The following TRMT11 variants were observed in gnomAD, a reference collection of about 807,000 sequenced individuals.
TRMT11 encodes the protein tRNA methyltransferase 11.
TRMT11 carries 53 observed loss-of-function variants against 62.8 expected under a neutral mutation model. The observed-to-expected ratio is 0.84, with a 90% CI of 0.68 to 1.06. The LOEUF is 1.06. TRMT11 is among the 50% of genes least tolerant of loss of function. TRMT11 has a pLI of 0.00. For synonymous variants in TRMT11, 188 were observed against 190.3 expected (o/e 0.99, Z 0.10); for missense variants, 556 against 553.4 (o/e 1.00, Z -0.05).
chr6:126,062,371 C>T lies in TRMT11; in HGVS notation c.*1437+9181C>T, dbSNP rs370005021. 1.2e-4 allele frequency among the ~76,000 whole-genome samples: 18 copies of T among 152,268 alleles called. No homozygotes were observed. In the South Asian group the frequency reaches 3.3e-3, roughly 28 times the overall value. On this transcript the variant is annotated intron_variant and NMD_transcript_variant, in intron 17 of 22. Coordinates refer to the TRMT11 transcript ENST00000648977. ...ACAACTTTACACTTTGTTATTGTTC[C>T]AATTTTATTTACAGGTTTTCTCCCT...
At chr6:126,082,385 A>G (rs1211899548) in intron 17 of TRMT11, among the ~76,000 whole-genome samples, 2 of 152,072 alleles carry the variant, frequency 1.3e-5, no homozygotes, top group South Asian at 4.1e-4. Flanking sequence ...TTACAATGTA[A>G]TATCAATTGT....
At chr6:126,244,592 G>A in the TRMT11 span, among the ~76,000 whole-genome samples, 17 of 152,290 alleles carry the variant, frequency 1.1e-4, no homozygotes, top group East Asian at 1.7e-3. Flanking sequence ...GACTGTCAGA[G>A]ATACACGTAT....
chr6:126,014,438 A>C (rs1178389566), intron 11 of TRMT11, among the ~76,000 whole-genome samples: 1 of 152,026 alleles, frequency 6.6e-6, no homozygotes. Context: ...TTTAATAGAG[A>C]CGAGGTTTCA....
intron 12 of TRMT11, among the ~76,000 whole-genome samples, chr6:126,037,680 A>C (rs1425744986): frequency 1.3e-5 from 2 of 152,138 alleles, no homozygotes; most frequent in African/African-American, 4.8e-5. Flanking sequence ...AAATGTGCCA[A>C]CATTATTTTG....
intron 21 of TRMT11, among the ~76,000 whole-genome samples, chr6:126,168,291 A>G (rs1778291452): frequency 1.3e-5 from 2 of 152,212 alleles, no homozygotes; most frequent in Non-Finnish European, 2.9e-5. Flanking sequence ...GATACTGAGT[A>G]AAAAGGGACT....
At chr6:126,179,584 A>G (rs180843530) in intron 1 of TRMT11, among the ~76,000 whole-genome samples, 3 of 152,262 alleles carry the variant, frequency 2.0e-5, no homozygotes, top group East Asian at 3.9e-4. Context: ...TCATTTCCCC[A>G]AAGATTAACT....
chr6:126,147,208 A>G (rs1562333567), intron 21 of TRMT11, among the ~76,000 whole-genome samples: 2 of 152,148 alleles, frequency 1.3e-5, no homozygotes, highest in Admixed American at 1.3e-4. Flanking sequence ...ATAACAAAAG[A>G]CTATAGAGTT....
chr6:126,061,139 G>A (rs1776524261), intron 17 of TRMT11, among the ~76,000 whole-genome samples: 1 of 152,234 alleles, frequency 6.6e-6, no homozygotes, highest in Non-Finnish European at 1.5e-5. Flanking sequence ...GCTATTCAAA[G>A]TGTTGGCTAT....
At chr6:126,251,847 T>C in the TRMT11 span, among the ~76,000 whole-genome samples, 1 of 152,340 alleles carries the variant, frequency 6.6e-6, no homozygotes, top group East Asian at 1.9e-4. Flanking sequence ...ACATCAGGTA[T>C]CCTAATGTAC....
chr6:126,143,393 CTTA>C (rs974043854), intron 21 of TRMT11, among the ~76,000 whole-genome samples: 40 of 152,166 alleles, frequency 2.6e-4, no homozygotes, highest in African/African-American at 9.1e-4. Context: ...AATGAGATTA[CTTA>C]TTAAGATCAA....
chr6:126,107,183 G>A (rs1777474099), intron 17 of TRMT11, among the ~76,000 whole-genome samples: 1 of 152,116 alleles, frequency 6.6e-6, no homozygotes, highest in East Asian at 1.9e-4. Context: ...GAAAAAAAAT[G>A]AGAATATAGT....
At chr6:126,019,521 T>C (rs553577880) in intron 11 of TRMT11, among the ~76,000 whole-genome samples, 1 of 152,312 alleles carries the variant, frequency 6.6e-6, no homozygotes, top group Non-Finnish European at 1.5e-5. Flanking sequence ...CATATTTAAG[T>C]GACACCTTAA....
the TRMT11 span, among the ~76,000 whole-genome samples, chr6:126,246,267 G>A: frequency 6.6e-6 from 1 of 152,120 alleles, no homozygotes; most frequent in Admixed American, 6.5e-5. Context: ...ACACGAAGGT[G>A]AACAAATACT....
At chr6:126,073,413 T>A in intron 17 of TRMT11, among the ~76,000 whole-genome samples, 1 of 152,204 alleles carries the variant, frequency 6.6e-6, no homozygotes, top group South Asian at 2.1e-4. Context: ...CAAATACATA[T>A]TGATAATTCC....
At chr6:126,209,684 T>G in the TRMT11 span, among the ~76,000 whole-genome samples, 1 of 151,938 alleles carries the variant, frequency 6.6e-6, no homozygotes, top group African/African-American at 2.4e-5. Context: ...TGAGATCGCA[T>G]GCCACCGCAC....
chr6:126,207,890 T>C (rs540406337), downstream of TRMT11, among the ~76,000 whole-genome samples: 1 of 152,158 alleles, frequency 6.6e-6, no homozygotes, highest in African/African-American at 2.4e-5. Flanking sequence ...ACTAAAGACA[T>C]TGATTAAAGA....
Position 126,023,572 on chromosome 6 carries a change from G to A in TRMT11, c.1260+2292G>A, listed in dbSNP as rs112725129. Among the ~76,000 whole-genome samples, 248 of 152,172 alleles carry A rather than the reference G, an allele frequency of 1.6e-3. 2 individuals are homozygous for A. The highest frequency in any genetic ancestry group is 5.7e-3 in the African/African-American group (237 of 41,524). ...CTGAGGCAGGAGAATCACTTGAACC[G>A]GGGAGGTGGAGGTTGCAGTGAGCCG... On this transcript the variant is annotated intron_variant, in intron 12 of 12. Coordinates refer to ENST00000334379, the MANE Select transcript of TRMT11 (RefSeq NM_001031712.3).
At chr6:126,226,706 T>C in the TRMT11 span, among the ~76,000 whole-genome samples, 1 of 152,336 alleles carries the variant, frequency 6.6e-6, no homozygotes, top group African/African-American at 2.4e-5. Context: ...CATGTGTGTA[T>C]TTGCTGCCAG....
chr6:126,074,137 T>G (rs550346292), intron 17 of TRMT11, among the ~76,000 whole-genome samples: 38 of 152,142 alleles, frequency 2.5e-4, no homozygotes, highest in Non-Finnish European at 4.0e-4. Context: ...TCCAGGAGAT[T>G]CTTTTGGATA....
Sources: allele counts gnomAD v4.1 joint callset (sites outside exome capture counted in the v4.1 genomes callset), GRCh38; gene constraint gnomAD v4.1.1; transcripts MANE v1.5; gene names NCBI Gene and HGNC (gene_info 2026-07-23, HGNC 2026-07-21).